Variants in RAB3GAP2 observed in about 807,000 individuals in gnomAD.
RAB3GAP2 encodes the protein rab3 GTPase-activating protein non-catalytic subunit.
In RAB3GAP2, 87 loss-of-function variants were observed where a neutral mutation model predicts 185.3. That is an observed-to-expected ratio of 0.47 (90% CI 0.39 to 0.56). The LOEUF is 0.56. Ranked by LOEUF, RAB3GAP2 falls within the 20% of genes least tolerant of loss-of-function variation. The probability of loss-of-function intolerance (pLI) is 0.00; values close to 1 mark genes in which losing one functional copy is unlikely to be tolerated. For missense variants in RAB3GAP2, 1,492 were observed against 1,638.2 expected (o/e 0.91, Z 1.54); for synonymous variants, 554 against 576.1 (o/e 0.96, Z 0.55).
intron 1 of RAB3GAP2, among the ~76,000 whole-genome samples, chr1:220,259,959 T>C (rs1456082290): frequency 6.6e-6 from 1 of 152,128 alleles, no homozygotes; most frequent in African/African-American, 2.4e-5. Flanking sequence ...AAAGAAGACA[T>C]ACATGCAGCC....
intron 2 of RAB3GAP2, chr1:220,219,612 A>G (rs569949393): frequency 6.6e-6 from 1 of 152,366 alleles, no homozygotes; most frequent in African/African-American, 2.4e-5. Context: ...ACACTGCCAC[A>G]GTATTGCTCC....
chr1:220,209,316 C>T (rs1427481751), intron 7 of RAB3GAP2, among the ~76,000 whole-genome samples: 2 of 152,102 alleles, frequency 1.3e-5, no homozygotes, highest in Non-Finnish European at 2.9e-5. Context: ...TACTTTATAA[C>T]ATAAGTTTCT....
rs765678750 is a variant in RAB3GAP2, at chr1:220,171,934, C to G, written c.2532G>C (p.Gly844=). 6.2e-7 allele frequency: 1 copy of G among 1,614,046 alleles called. No individual in the cohort carries two copies. Among genetic ancestry groups the G allele is most frequent in the Non-Finnish European group, 8.5e-7 (1 of 1,180,036 alleles). The part of the protein sequence containing the change: ...NGAALLSAHV[G]HSVAAQISNN... ...TTGATATCTGTGCAGCAACAGAATG[C>G]CCAACATGCGCAGACAACAGAGCGG... The change falls in exon 23 of 35, where the codon GGG becomes GGC. Residue 844 remains glycine, a synonymous_variant. Coordinates refer to ENST00000358951, the MANE Select transcript of RAB3GAP2 (RefSeq NM_012414.4).
chr1:220,157,175 CA>C, intron 31 of RAB3GAP2, 94 bp downstream of exon 31: 1 of 1,119,214 alleles, frequency 8.9e-7, no homozygotes, highest in Non-Finnish European at 1.3e-6. Context: ...ATACCAGTCA[CA>C]AAAGTACTGG....
chr1:220,245,310 C>T lies in RAB3GAP2; in HGVS notation c.116-12447G>A, dbSNP rs560728012. On this transcript the variant is annotated intron_variant, in intron 1 of 34. Coordinates refer to ENST00000358951, the MANE Select transcript of RAB3GAP2 (RefSeq NM_012414.4). The stretch of plus-strand genomic sequence containing the variant: ...CAGTGGGCGCAGGCCAGTGGGTGCG[C>T]GCACCATGCGCGAGCCGAAGCAGGG... 7.6e-3 allele frequency among the ~76,000 whole-genome samples: 1,158 copies of T among 152,220 alleles called. 12 individuals carry two copies. Among genetic ancestry groups the T allele is most frequent in the African/African-American group, 0.027 (1,105 of 41,514 alleles).
intron 1 of RAB3GAP2, among the ~76,000 whole-genome samples, chr1:220,256,024 C>T (rs1334091147): frequency 6.6e-6 from 1 of 152,116 alleles, no homozygotes; most frequent in Non-Finnish European, 1.5e-5. Flanking sequence ...TTAAGGACAG[C>T]CAGAGAGAAA....
At position 220,232,120 on chromosome 1, in the gene RAB3GAP2, G is replaced by A. The variant is rs74139300; in HGVS notation, c.180+679C>T. Among the ~76,000 whole-genome samples, 600 of 152,150 alleles carry A rather than the reference G, an allele frequency of 3.9e-3. 4 individuals are homozygous for A. Among genetic ancestry groups the A allele is most frequent in the African/African-American group, 0.014 (588 of 41,500 alleles). On this transcript the variant is annotated intron_variant, in intron 2 of 34. Transcript: ENST00000358951. ...CTAGAAAAATGCGTAGAATATGGTA[G>A]GTACAGCAAATATTTGAGTGAATAG... is the stretch of plus-strand genomic sequence containing the variant.
chr1:220,188,598 GA>G (rs1333327501), intron 17 of RAB3GAP2, among the ~76,000 whole-genome samples: 12 of 152,132 alleles, frequency 7.9e-5, no homozygotes, highest in African/African-American at 2.2e-4. Context: ...GAACAGGTGG[GA>G]ATATAAATTA....
chr1:220,214,946 TTATA>T (rs10526805), intron 2 of RAB3GAP2, among the ~76,000 whole-genome samples: 38 of 89,624 alleles, frequency 4.2e-4, no homozygotes, highest in South Asian at 9.7e-4. Flanking sequence ...AATAGTAGCA[TTATA>T]TATATATATA....
chr1:220,265,793 T>C (rs1346866282), intron 1 of RAB3GAP2, among the ~76,000 whole-genome samples: 2 of 151,970 alleles, frequency 1.3e-5, no homozygotes, highest in Admixed American at 6.6e-5. Flanking sequence ...GGCATGGTGC[T>C]GCATACTTGT....
chr1:220,152,179 G>T (rs949903023), intron 33 of RAB3GAP2, among the ~76,000 whole-genome samples: 1 of 152,140 alleles, frequency 6.6e-6, no homozygotes, highest in African/African-American at 2.4e-5. Context: ...GGGTTCAAGC[G>T]ATTCTCCTGC....
At chr1:220,259,468 CAAGT>C (rs1412407030) in intron 1 of RAB3GAP2, among the ~76,000 whole-genome samples, 1 of 152,016 alleles carries the variant, frequency 6.6e-6, no homozygotes, top group Non-Finnish European at 1.5e-5. Context: ...TTGACAAAAA[CAAGT>C]AATGGGGGAA....
Position 220,190,362 on chromosome 1 carries a change from C to T in RAB3GAP2, c.1631+15G>A, listed in dbSNP as rs1658592025. 6.2e-7 allele frequency: 1 copy of T among 1,614,048 alleles called. No individual in the cohort carries two copies. The highest frequency in any genetic ancestry group is 8.5e-7 in the Non-Finnish European group (1 of 1,179,962). The stretch of plus-strand genomic sequence containing the variant: ...AGCAGAGGAGCGTCAATCAGCAACA[C>T]TGGACACACCTTACCTCAGTGCTAA... On this transcript the variant is annotated intron_variant, in intron 15 of 34. Coordinates refer to ENST00000358951, the MANE Select transcript of RAB3GAP2 (RefSeq NM_012414.4).
intron 26 of RAB3GAP2, among the ~76,000 whole-genome samples, chr1:220,165,220 T>C (rs1387136337): frequency 1.3e-5 from 2 of 149,308 alleles, no homozygotes; most frequent in African/African-American, 5.0e-5. Flanking sequence ...ATGGATTCCA[T>C]AATGAACAAA....
At chr1:220,215,962 CAG>C (rs1411588780) in intron 2 of RAB3GAP2, among the ~76,000 whole-genome samples, 5 of 151,978 alleles carry the variant, frequency 3.3e-5, no homozygotes, top group African/African-American at 9.7e-5. Flanking sequence ...ATTTTAGAAA[CAG>C]AAAATCATCC....
At chr1:220,215,665 A>G (rs529647381) in intron 2 of RAB3GAP2, among the ~76,000 whole-genome samples, 6 of 152,132 alleles carry the variant, frequency 3.9e-5, no homozygotes, top group Non-Finnish European at 8.8e-5. Context: ...AAGTGATGCA[A>G]ATAGTTTTTC....
intron 1 of RAB3GAP2, among the ~76,000 whole-genome samples, chr1:220,245,123 A>G (rs1475328585): frequency 7.1e-6 from 1 of 141,272 alleles, no homozygotes; most frequent in African/African-American, 2.9e-5. Flanking sequence ...CAAATCAGCA[A>G]GAAAAAAAAA....
At chr1:220,174,906 A>AT (rs1334686469) in intron 21 of RAB3GAP2, among the ~76,000 whole-genome samples, 1 of 152,164 alleles carries the variant, frequency 6.6e-6, no homozygotes, top group East Asian at 1.9e-4. Context: ...ACCTTAGTTT[A>AT]TTTATCAGGG....
intron 31 of RAB3GAP2, among the ~76,000 whole-genome samples, chr1:220,156,358 G>A (rs1657857488): frequency 6.6e-6 from 1 of 152,146 alleles, no homozygotes; most frequent in African/African-American, 2.4e-5. Flanking sequence ...TAATGTTGAC[G>A]TTTTTGTCTC....
Sources: allele counts gnomAD v4.1 joint callset (sites outside exome capture counted in the v4.1 genomes callset), GRCh38; gene constraint gnomAD v4.1.1; transcripts MANE v1.5; gene names NCBI Gene and HGNC (gene_info 2026-07-23, HGNC 2026-07-21).